Variants in MAN1A2 observed in about 807,000 individuals in gnomAD.
MAN1A2 encodes mannosyl-oligosaccharide 1,2-alpha-mannosidase IB.
MAN1A2 carries 26 observed loss-of-function variants against 75.7 expected under a neutral mutation model. The ratio of observed to expected loss-of-function variants is 0.34; its 90% confidence interval spans 0.25 to 0.48. The LOEUF (loss-of-function observed/expected upper bound fraction) is 0.48, where lower values mean the gene tolerates loss of function less well. MAN1A2 is among the 20% of genes least tolerant of loss of function. The pLI, the probability that MAN1A2 is intolerant of heterozygous loss-of-function variation, is 0.99. For missense variants in MAN1A2, 562 were observed against 775.5 expected, an observed-to-expected ratio of 0.72 and a Z score of 3.27; for synonymous variants, 247 against 264.6, an observed-to-expected ratio of 0.93 and a Z score of 0.65.
chr1:117,512,905 A>T (rs1651583630), intron 12 of MAN1A2, among the ~76,000 whole-genome samples: 1 of 152,084 alleles, frequency 6.6e-6, no homozygotes, highest in Admixed American at 6.6e-5. Flanking sequence ...GGGAGCTACA[A>T]CCCAAATTTT....
chr1:117,524,796 C>A lies in MAN1A2; in HGVS notation c.*1839C>A. The A allele has an allele frequency of 5.6e-6, 1 of 178,546 alleles. No individual in the cohort carries two copies. Among genetic ancestry groups the A allele is most frequent in the Non-Finnish European group, 1.2e-5 (1 of 82,764 alleles). The allele number at this position is 178,546 out of a possible 1,614,324, so 11.1% of individuals were successfully genotyped here. ...AGTCCTTAAGAGAGTTAAATTATAG[C>A]ACATGTTTTGACATTGTAATATCTT... On this transcript the variant is annotated 3_prime_UTR_variant, in exon 13 of 13. Transcript: ENST00000356554.
In MAN1A2 at chr1:117,368,302, T is replaced by C; in HGVS notation, c.119T>C (p.Leu40Pro). Residue 40 changes from leucine to proline, a missense_variant, in exon 1 of 13, where the codon CTC becomes CCC. By Grantham distance (98) the Leu-to-Pro change is moderately conservative. Around this residue, in one of 2 missense-constraint regions of MAN1A2, gnomAD observed 128 missense variants for 129.8 expected, o/e 0.99. Transcript: ENST00000356554. ...TLRLSEKFIL[L>P]LILSAFITLC... ...AGACTTTCTGAGAAGTTTATTCTTCTCCTTATTCTTAGTGCCTTCATCACT... is the reference window on the plus strand; with the variant it reads ...AGACTTTCTGAGAAGTTTATTCTTCCCCTTATTCTTAGTGCCTTCATCACT... The C allele has an allele frequency of 2.5e-6, 4 of 1,614,168 alleles. No homozygotes were observed. The highest frequency in any genetic ancestry group is 3.4e-6 in the Non-Finnish European group (4 of 1,180,016).
chr1:117,477,164 C>T (rs1367281784), intron 8 of MAN1A2, among the ~76,000 whole-genome samples: 1 of 151,808 alleles, frequency 6.6e-6, no homozygotes, highest in Non-Finnish European at 1.5e-5. Flanking sequence ...AAAAGAAGCC[C>T]AGGACCAGAC....
At position 117,522,981 on chromosome 1, in the gene MAN1A2, T is replaced by A; in HGVS notation, c.*24T>A. The stretch of plus-strand genomic sequence containing the variant: ...GAAAGCAGTTCCAGAAGGACCATTC[T>A]CACCTGTGTTTTGTTTACATGGACC... On this transcript the variant is annotated 3_prime_UTR_variant, in exon 13 of 13. Coordinates refer to ENST00000356554, the MANE Select transcript of MAN1A2 (RefSeq NM_006699.5). The A allele has an allele frequency of 6.2e-7, 1 of 1,608,806 alleles. No individual in the cohort carries two copies. The highest frequency in any genetic ancestry group is 8.5e-7 in the Non-Finnish European group (1 of 1,177,816).
chr1:117,371,767 A>G (rs1188543921), intron 1 of MAN1A2, among the ~76,000 whole-genome samples: 1 of 152,128 alleles, frequency 6.6e-6, no homozygotes, highest in African/African-American at 2.4e-5. Context: ...CAAAAGTTTG[A>G]ATTAGTTGTC....
chr1:117,476,874 G>GT (rs1329177337), intron 8 of MAN1A2, among the ~76,000 whole-genome samples: 1 of 152,020 alleles, frequency 6.6e-6, no homozygotes, highest in Non-Finnish European at 1.5e-5. Context: ...ATTTAAAGTA[G>GT]TTTTTTCTAA....
intron 5 of MAN1A2, among the ~76,000 whole-genome samples, chr1:117,437,151 A>G (rs899161566): frequency 2.0e-5 from 3 of 152,212 alleles, no homozygotes; most frequent in Non-Finnish European, 4.4e-5. Flanking sequence ...TCAAAGAGGG[A>G]AAATAAGCAA....
chr1:117,401,410 G>A (rs1647422867), intron 1 of MAN1A2, among the ~76,000 whole-genome samples: 1 of 152,106 alleles, frequency 6.6e-6, no homozygotes, highest in Admixed American at 6.5e-5. Context: ...GTCATCGTTG[G>A]TTGACTGATT....
intron 9 of MAN1A2, among the ~76,000 whole-genome samples, chr1:117,495,793 A>G (rs1039452583): frequency 2.0e-5 from 3 of 151,890 alleles, no homozygotes; most frequent in Non-Finnish European, 2.9e-5. Flanking sequence ...ATACTCAAAA[A>G]ACTAATCTTT....
chr1:117,402,511 T>C (rs1647473384), intron 2 of MAN1A2, 70 bp downstream of exon 2: 1 of 1,397,440 alleles, frequency 7.2e-7, no homozygotes, highest in South Asian at 1.5e-5. Context: ...ATATATATAA[T>C]CTATGGTATC....
intron 1 of MAN1A2, among the ~76,000 whole-genome samples, chr1:117,389,946 C>T (rs1407107374): frequency 6.6e-6 from 1 of 152,140 alleles, no homozygotes; most frequent in Non-Finnish European, 1.5e-5. Context: ...ACTTTTTCTG[C>T]ATCTCTTGAT....
intron 12 of MAN1A2, among the ~76,000 whole-genome samples, chr1:117,512,031 C>G (rs1651551168): frequency 6.6e-6 from 1 of 151,930 alleles, no homozygotes; most frequent in Admixed American, 6.6e-5. Context: ...TTTATAAGAT[C>G]TTGTATATAA....
chr1:117,428,473 CA>C (rs1648452962), intron 5 of MAN1A2, among the ~76,000 whole-genome samples: 2 of 151,942 alleles, frequency 1.3e-5, no homozygotes, highest in South Asian at 4.2e-4. Context: ...CAACAAAAAG[CA>C]ATGGAAATGG....
At chr1:117,476,918 G>A (rs1234792036) in intron 8 of MAN1A2, among the ~76,000 whole-genome samples, 1 of 151,990 alleles carries the variant, frequency 6.6e-6, no homozygotes, top group Non-Finnish European at 1.5e-5. Flanking sequence ...GCTTGTTGGG[G>A]ATAGCACTGA....
chr1:117,512,750 T>TACACACACACACACACACACACACACAC (rs3050979), intron 12 of MAN1A2, among the ~76,000 whole-genome samples: 9 of 143,854 alleles, frequency 6.3e-5, no homozygotes, highest in Admixed American at 4.9e-4. Flanking sequence ...GGCACTGGGA[T>TACACACACACACACACACACACACACAC]ACACACACAC....
At chr1:117,487,696 G>T (rs1650756518) in intron 8 of MAN1A2, among the ~76,000 whole-genome samples, 1 of 151,940 alleles carries the variant, frequency 6.6e-6, no homozygotes, top group African/African-American at 2.4e-5. Context: ...TTTCAAAATA[G>T]TTAAAATGTA....
chr1:117,453,234 C>T (rs1649478516), intron 6 of MAN1A2, among the ~76,000 whole-genome samples: 2 of 152,230 alleles, frequency 1.3e-5, no homozygotes, highest in African/African-American at 4.8e-5. Flanking sequence ...GCCCATGGGT[C>T]AAGGAGTGAT....
At chr1:117,496,694 G>A in intron 9 of MAN1A2, 69 bp from the exon 10 acceptor site, 1 of 1,137,296 alleles carries the variant, frequency 8.8e-7, no homozygotes, top group African/African-American at 1.6e-5. Context: ...ATAATGGCCA[G>A]AAGGATATAG....
chr1:117,370,475 G>A (rs1557921820), intron 1 of MAN1A2, among the ~76,000 whole-genome samples: 3 of 152,126 alleles, frequency 2.0e-5, no homozygotes, highest in South Asian at 2.1e-4. Context: ...TTGCTTTAGC[G>A]TATTATTTGC....
Sources: gnomAD v4.1 joint callset for allele counts (sites outside exome capture counted in the v4.1 genomes callset) on GRCh38, gnomAD v4.1.1 for gene constraint, gnomAD v4.1.1 regional missense constraint, MANE v1.5 for transcripts, NCBI Gene and HGNC (gene_info 2026-07-23, HGNC 2026-07-21) for gene names.